RNF217: variants seen among roughly 807,000 people sequenced by gnomAD.
RNF217 encodes the protein ring finger protein 217.
A neutral mutation model predicts 57.8 loss-of-function variants in RNF217; 31 were observed. The ratio of observed to expected loss-of-function variants is 0.54; its 90% confidence interval spans 0.40 to 0.72. RNF217 has a LOEUF of 0.72. RNF217 is among the 30% of genes least tolerant of loss of function. RNF217 has a pLI of 0.00. For synonymous variants in RNF217, 313 were observed against 294.0 expected (o/e 1.06, Z -0.66); for missense variants, 696 against 708.3 (o/e 0.98, Z 0.20).
chr6:125,008,525 C>T (rs1785282008), intron 1 of RNF217, among the ~76,000 whole-genome samples: 1 of 152,124 alleles, frequency 6.6e-6, no homozygotes, highest in Non-Finnish European at 1.5e-5. Context: ...CCTTGGTTTC[C>T]AACTTCTTGG....
chr6:125,084,913 A>G lies in RNF217; in HGVS notation c.*1976A>G, dbSNP rs1047956788. ...AAAGAAGGAGAATTTCTAACCTGTC[A>G]TAAGAGTAAGGTTTCGTAAATTCAT... On this transcript the variant is annotated 3_prime_UTR_variant, in exon 6 of 6. Transcript: ENST00000521654. 2.0e-5 allele frequency: 3 copies of G among 151,932 alleles called. No individual in the cohort carries two copies. Among genetic ancestry groups the G allele is most frequent in the African/African-American group, 7.2e-5 (3 of 41,444 alleles). The allele number at this position is 151,932 out of a possible 1,614,324, so 9.4% of individuals were successfully genotyped here. A position where few individuals can be genotyped will look rare whatever the true frequency, so the allele number is the denominator to read the frequency against.
At chr6:125,047,994 T>C (rs1005693025) in intron 2 of RNF217, among the ~76,000 whole-genome samples, 2 of 152,148 alleles carry the variant, frequency 1.3e-5, no homozygotes, top group Non-Finnish European at 2.9e-5. Context: ...TGATCTATGC[T>C]GTACAAAGTT....
At chr6:125,048,963 C>A (rs1216459656) in intron 2 of RNF217, among the ~76,000 whole-genome samples, 1 of 151,958 alleles carries the variant, frequency 6.6e-6, no homozygotes, top group Non-Finnish European at 1.5e-5. Flanking sequence ...GACAACCTTG[C>A]CTTTTGTCAA....
intron 1 of RNF217, among the ~76,000 whole-genome samples, chr6:124,988,214 C>A (rs1784426754): frequency 6.6e-6 from 1 of 152,134 alleles, no homozygotes; most frequent in African/African-American, 2.4e-5. Context: ...AAAACTATCA[C>A]CCCTGACCCC....
chr6:125,078,824 G>C (rs9482593), intron 4 of RNF217, among the ~76,000 whole-genome samples: 1 of 152,002 alleles, frequency 6.6e-6, no homozygotes. Context: ...CCCACCCCAA[G>C]CACAGCTGCC....
intron 3 of RNF217, among the ~76,000 whole-genome samples, chr6:125,076,276 C>T (rs564953380): frequency 7.8e-4 from 119 of 152,232 alleles, no homozygotes; most frequent in Non-Finnish European, 1.4e-3. Flanking sequence ...TGCTTATTCC[C>T]CCAAGTTGGC....
intron 1 of RNF217, among the ~76,000 whole-genome samples, chr6:125,027,362 A>G (rs1358586515): frequency 6.6e-6 from 1 of 152,072 alleles, no homozygotes; most frequent in African/African-American, 2.4e-5. Context: ...CGTGAGTTCA[A>G]TTGATGTGAT....
At chr6:125,064,456 T>C (rs1787861538) in intron 3 of RNF217, among the ~76,000 whole-genome samples, 2 of 152,204 alleles carry the variant, frequency 1.3e-5, no homozygotes, top group Non-Finnish European at 2.9e-5. Context: ...TGAGATTAAA[T>C]ATAATGTGAC....
intron 1 of RNF217, among the ~76,000 whole-genome samples, chr6:124,999,550 A>G (rs548011799): frequency 6.6e-6 from 1 of 151,988 alleles, no homozygotes; most frequent in East Asian, 1.9e-4. Flanking sequence ...AGGCTCATAG[A>G]CTGTAGTTCT....
At chr6:124,977,990 C>T (rs188388501) in intron 1 of RNF217, among the ~76,000 whole-genome samples, 19 of 151,882 alleles carry the variant, frequency 1.3e-4, no homozygotes, top group Non-Finnish European at 2.4e-4. Flanking sequence ...GGAGAGCTGG[C>T]GTATTCTTAT....
chr6:125,033,717 G>T (rs1320382157), intron 1 of RNF217, among the ~76,000 whole-genome samples: 1 of 151,774 alleles, frequency 6.6e-6, no homozygotes, highest in African/African-American at 2.4e-5. Flanking sequence ...CCCAGTAATG[G>T]GATGGCTGGG....
intron 1 of RNF217, among the ~76,000 whole-genome samples, chr6:125,027,352 C>T (rs115077325): frequency 0.041 from 6,307 of 152,128 alleles, 459 homozygotes; most frequent in African/African-American, 0.15. Flanking sequence ...TCTCTATGTC[C>T]GTGAGTTCAA....
intron 2 of RNF217, among the ~76,000 whole-genome samples, chr6:125,052,447 C>T (rs139174573): frequency 1.4e-4 from 21 of 152,108 alleles, no homozygotes; most frequent in Non-Finnish European, 2.9e-4. Context: ...GCAAGGATCA[C>T]TTGGCCACAT....
rs921532608 is a variant in RNF217, at chr6:125,024,118, A to G, written c.883-21093A>G. 9.2e-5 allele frequency among the ~76,000 whole-genome samples: 14 copies of G among 152,330 alleles called. No homozygotes were observed. The South Asian group carries it at 1.9e-3, about 20-fold the overall frequency. On this transcript the variant is annotated intron_variant, in intron 1 of 5. Coordinates refer to ENST00000521654, the MANE Select transcript of RNF217 (RefSeq NM_001286398.3). The stretch of plus-strand genomic sequence containing the variant: ...TAAATATGTGAGGTAAACAAAATGA[A>G]ACAAAGAGTACTCCAAAGCCTGGAC...
intron 1 of RNF217, among the ~76,000 whole-genome samples, chr6:125,034,575 A>G (rs1562478923): frequency 6.6e-6 from 1 of 152,106 alleles, no homozygotes; most frequent in Non-Finnish European, 1.5e-5. Flanking sequence ...TGGTACCAGT[A>G]CCATGCTGTT....
At chr6:125,000,155 G>A (rs1182368298) in intron 1 of RNF217, among the ~76,000 whole-genome samples, 1 of 151,716 alleles carries the variant, frequency 6.6e-6, no homozygotes, top group Non-Finnish European at 1.5e-5. Flanking sequence ...TTTTTTTAGT[G>A]CTTGGCAAAT....
rs1232303384 is a variant in RNF217 at position 125,089,818 on chromosome 6, A to G, written c.*6881A>G. 6.6e-6 allele frequency: 1 copy of G among 152,076 alleles called. No homozygotes were observed. The highest frequency in any genetic ancestry group is 1.5e-5 in the Non-Finnish European group (1 of 68,012). 9.4% of individuals were successfully genotyped at this position (152,076 alleles called of 1,614,324 possible). On this transcript the variant is annotated 3_prime_UTR_variant, in exon 6 of 6. Coordinates refer to ENST00000521654, the MANE Select transcript of RNF217 (RefSeq NM_001286398.3). ...GAAATATTCTTAGTAATCCAATCAA[A>G]TCCTTAAAAACAGCATTTTTGTGAA...
chr6:124,988,960 A>G (rs1784453438), intron 1 of RNF217, among the ~76,000 whole-genome samples: 1 of 152,040 alleles, frequency 6.6e-6, no homozygotes, highest in Admixed American at 6.6e-5. Context: ...GTTGCTTCCA[A>G]GTTTTGCAGC....
intron 4 of RNF217, 73 bp downstream of exon 4, chr6:125,076,931 GC>G: frequency 7.6e-7 from 1 of 1,317,330 alleles, no homozygotes; most frequent in Non-Finnish European, 1.1e-6. Context: ...GAAATGTGCA[GC>G]CATGGTAATT....
Sources: allele counts gnomAD v4.1 joint callset (sites outside exome capture counted in the v4.1 genomes callset), GRCh38; gene constraint gnomAD v4.1.1; transcripts MANE v1.5; gene names NCBI Gene and HGNC (gene_info 2026-07-23, HGNC 2026-07-21).